Variants in EHBP1L1 observed in about 807,000 individuals in gnomAD.
EHBP1L1 encodes EH domain binding protein 1 like 1.
In EHBP1L1, 122 loss-of-function variants were observed where a neutral mutation model predicts 151.1. The observed-to-expected ratio is 0.81, with a 90% CI of 0.70 to 0.94. The LOEUF (loss-of-function observed/expected upper bound fraction) is 0.94. Among genes scored for constraint, EHBP1L1 ranks in the 40% least tolerant of loss-of-function variants. EHBP1L1 has a pLI of 0.00. For synonymous variants in EHBP1L1, 878 were observed against 810.1 expected, an observed-to-expected ratio of 1.08 and a Z score of -1.42; for missense variants, 1,941 against 1,959.8, an observed-to-expected ratio of 0.99 and a Z score of 0.18.
At position 65,582,491 on chromosome 11, in the gene EHBP1L1, G is replaced by T. The variant is rs186750931; in HGVS notation, c.1819G>T (p.Ala607Ser). 5.1e-4 allele frequency: 821 copies of T among 1,613,158 alleles called. 10 individuals are homozygous for T. In the Admixed American group the frequency reaches 0.013, roughly 25 times the overall value. Residue 607 changes from alanine (A) to serine (S), a missense_variant, in exon 9 of 19, where the codon GCC (alanine) becomes TCC (serine). Ala to Ser is a moderately conservative substitution (Grantham distance 99). Coordinates refer to ENST00000309295, the MANE Select transcript of EHBP1L1 (RefSeq NM_001099409.3). ...TRTLEIEILG[A>S]LEKEAARSRV... Reference sequence around the variant, plus strand: ...GACACTAGAAATTGAGATATTGGGGGCCTTGGAGAAAGAAGCAGCAAGATC... The same window carrying T: ...GACACTAGAAATTGAGATATTGGGGTCCTTGGAGAAAGAAGCAGCAAGATC...
rs564998706 is a variant in EHBP1L1 at position 65,592,106 on chromosome 11, C to A, written c.4472+16C>A. On this transcript the variant is annotated intron_variant, in intron 18 of 18. Coordinates refer to ENST00000309295, the MANE Select transcript of EHBP1L1 (RefSeq NM_001099409.3). ...AGGAGCGGATGTGAGTGGCGCTGGG[C>A]GGCGCTGGGAGTTGGGAGGGTCCGG... is the stretch of plus-strand genomic sequence containing the variant. The A allele has an allele frequency of 1.6e-5, 25 of 1,612,156 alleles. No homozygotes were observed. In the African/African-American group the frequency reaches 3.3e-4, roughly 21 times the overall value.
In EHBP1L1 at chr11:65,590,160, A is replaced by C; in HGVS notation, c.4133A>C (p.Asp1378Ala). Reference sequence around the variant, plus strand: ...CTGGAACAGGAGCAGAGGCAGATAGATGGGCGGGCGGCTGAGGTGGAGATG... The same window carrying C: ...CTGGAACAGGAGCAGAGGCAGATAGCTGGGCGGGCGGCTGAGGTGGAGATG... The part of the protein sequence containing the change: ...QALEQEQRQI[D>A]GRAAEVEMQL... Residue 1378 changes from aspartate (D) to alanine (A), a missense_variant, in exon 15 of 19, where the codon GAT (aspartate) becomes GCT (alanine). Physicochemically the swap from Asp to Ala is moderately radical, Grantham distance 126. Transcript: ENST00000309295. 1 of 1,613,796 alleles carries C rather than the reference A, an allele frequency of 6.2e-7. No individual in the cohort carries two copies. The highest frequency in any genetic ancestry group is 8.5e-7 in the Non-Finnish European group (1 of 1,179,826).
At chr11:65,589,717 C>A (rs1254265703) in intron 12 of EHBP1L1, 34 bp from the exon 13 acceptor site, 1 of 1,499,162 alleles carries the variant, frequency 6.7e-7, no homozygotes. Flanking sequence ...GGTGGGAAAC[C>A]CCTCCCAGCC....
rs749878529 is a variant in EHBP1L1 at position 65,584,568 on chromosome 11, G to A, written c.3300+34G>A. ...GGGTGGGGGACTGCCTGGAGGGAAG[G>A]AGGGTCTGGAGAGCCAGGCTCTCAG... is the stretch of plus-strand genomic sequence containing the variant. On this transcript the variant is annotated intron_variant, in intron 11 of 18. Transcript: ENST00000309295. 7 of 1,600,480 alleles carry A rather than the reference G, an allele frequency of 4.4e-6. No individual in the cohort carries two copies. In the South Asian group the frequency reaches 7.9e-5, roughly 18 times the overall value.
rs1858198056 is a variant in EHBP1L1, at chr11:65,590,221, C to T, written c.4183+11C>T. The T allele has an allele frequency of 1.9e-6, 3 of 1,612,358 alleles. No individual in the cohort carries two copies. The highest frequency in any genetic ancestry group is 1.7e-6 in the Non-Finnish European group (2 of 1,179,454). On this transcript the variant is annotated intron_variant, in intron 15 of 18. Coordinates refer to ENST00000309295, the MANE Select transcript of EHBP1L1 (RefSeq NM_001099409.3). ...GCCTCATGGAGTCAGGTGGGGCATA[C>T]ATCTAGGGATCCCTTCCCCAACACA...
Position 65,579,438 on chromosome 11 carries a change from T to C in EHBP1L1, c.258+2T>C, listed in dbSNP as rs765970705. 3 of 1,515,016 alleles carry C rather than the reference T, an allele frequency of 2.0e-6. No homozygotes were observed. The highest frequency in any genetic ancestry group is 2.7e-6 in the Non-Finnish European group (3 of 1,128,246). 93.8% of individuals were successfully genotyped at this position (1,515,016 alleles called of 1,614,324 possible). On this transcript the variant is annotated splice_donor_variant, in intron 3 of 18. Transcript: ENST00000309295. LOFTEE classifies it high-confidence loss of function. The stretch of plus-strand genomic sequence containing the variant: ...GACATCTCTGTGACCCTCTACAGGG[T>C]GAGTCTCTAGCCCTCCAGCATGGAT...
chr11:65,585,504 G>T lies in EHBP1L1; in HGVS notation c.3846G>T (p.Leu1282=). ...TCTCCCACGTGCGCGACGCGGACCT[G>T]CTCAAGAAGAGGCGCTCGCGGCTGC... ...GSFSHVRDAD[L]LKKRRSRLRN... The change falls in exon 12 of 19, where the codon CTG becomes CTT. Residue 1282 remains leucine, a synonymous_variant. Coordinates refer to ENST00000309295, the MANE Select transcript of EHBP1L1 (RefSeq NM_001099409.3). This position sits in a 1 kb window ranked among gnomAD's most constrained non-coding sequence, Gnocchi z 4.0. The T allele has an allele frequency of 6.4e-7, 1 of 1,562,402 alleles. No homozygotes were observed. Among genetic ancestry groups the T allele is most frequent in the Non-Finnish European group, 8.6e-7 (1 of 1,160,888 alleles).
At position 65,585,693 on chromosome 11, in the gene EHBP1L1, G is replaced by A; in HGVS notation, c.3933+102G>A. The A allele has an allele frequency of 6.7e-7, 1 of 1,484,706 alleles. No individual in the cohort carries two copies. Among genetic ancestry groups the A allele is most frequent in the Non-Finnish European group, 9.0e-7 (1 of 1,116,816 alleles). 92.0% of individuals were successfully genotyped at this position (1,484,706 alleles called of 1,614,324 possible). A position where few individuals can be genotyped will look rare whatever the true frequency, so the allele number is the denominator to read the frequency against. ...CCCAAGGGGCCCCAAGGACAGAGCT[G>A]GCGCGAGGGTGACGGTTTCAGAGTG... On this transcript the variant is annotated intron_variant, in intron 12 of 18. Coordinates refer to ENST00000309295, the MANE Select transcript of EHBP1L1 (RefSeq NM_001099409.3). The surrounding 1 kb of genome is among the most constrained non-coding windows in gnomAD (Gnocchi z 4.0).
intron 17 of EHBP1L1, 37 bp downstream of exon 17, chr11:65,591,910 A>AG: frequency 1.2e-6 from 2 of 1,604,946 alleles, no homozygotes; most frequent in Non-Finnish European, 1.7e-6. Flanking sequence ...GGCAAGACAG[A>AG]GCCAGGGTGG....
chr11:65,580,900 A>G (rs1324127689), intron 6 of EHBP1L1, 158 bp from the exon 7 acceptor site: 3 of 1,425,848 alleles, frequency 2.1e-6, no homozygotes, highest in Admixed American at 2.9e-5. Flanking sequence ...CTTTCTCTCC[A>G]CATCTGTGGG....
Position 65,585,723 on chromosome 11 carries a change from G to C in EHBP1L1, c.3933+132G>C. On this transcript the variant is annotated intron_variant, in intron 12 of 18. Transcript: ENST00000309295. The surrounding 1 kb of genome is among the most constrained non-coding windows in gnomAD (Gnocchi z 4.0). ...GAGGGTGACGGTTTCAGAGTGGCGG[G>C]GCTCGGCTGGACCCAGGAGGGGCTA... The C allele has an allele frequency of 7.1e-7, 1 of 1,410,152 alleles. No homozygotes were observed. The highest frequency in any genetic ancestry group is 9.5e-7 in the Non-Finnish European group (1 of 1,053,740). The allele number at this position is 1,410,152 out of a possible 1,614,324, so 87.4% of individuals were successfully genotyped here.
rs867568057 is a variant in EHBP1L1, at chr11:65,576,348, G to T, written c.46G>T (p.Ala16Ser). The T allele has an allele frequency of 6.3e-6, 10 of 1,599,434 alleles. No homozygotes were observed. The highest frequency in any genetic ancestry group is 8.5e-6 in the Non-Finnish European group (10 of 1,173,588). The change falls in exon 1 of 19, where the codon GCC becomes TCC. Residue 16 changes from alanine (A) to serine (S), a missense_variant. Ala to Ser is a moderately conservative substitution (Grantham distance 99, BLOSUM62 1). Coordinates refer to ENST00000309295, the MANE Select transcript of EHBP1L1 (RefSeq NM_001099409.3). Reference sequence around the variant, plus strand: ...CCTGCAGCGCGTGGGCAAGCGGGCGGCCAAGTTCCAGTTCGTGGCCTGTTA... The same window carrying T: ...CCTGCAGCGCGTGGGCAAGCGGGCGTCCAAGTTCCAGTTCGTGGCCTGTTA... ...KRLQRVGKRA[A>S]KFQFVACYHE...
At position 65,583,154 on chromosome 11, in the gene EHBP1L1, A is replaced by C. The variant is rs758928982; in HGVS notation, c.2482A>C (p.Ser828Arg). 15 of 1,612,862 alleles carry C rather than the reference A, an allele frequency of 9.3e-6. No individual in the cohort carries two copies. Among genetic ancestry groups the C allele is most frequent in the Non-Finnish European group, 1.2e-5 (14 of 1,179,678 alleles). Reference sequence around the variant, plus strand: ...GGGGACCCAAGAGATAGCATCTAGGAGTTCAGGGGTCCCAGGGCTAGAATC... The same window carrying C: ...GGGGACCCAAGAGATAGCATCTAGGCGTTCAGGGGTCCCAGGGCTAGAATC... ...ILGTQEIASR[S>R]SGVPGLESEV... The change falls in exon 9 of 19, where the codon AGT (serine) becomes CGT (arginine). Residue 828 changes from serine (S) to arginine (R), a missense_variant. By Grantham distance (110) the Ser-to-Arg change is moderately radical. Transcript: ENST00000309295.
At position 65,583,366 on chromosome 11, in the gene EHBP1L1, A is replaced by G. The variant is rs1232218694; in HGVS notation, c.2694A>G (p.Lys898=). 1 of 1,613,470 alleles carries G rather than the reference A, an allele frequency of 6.2e-7. No homozygotes were observed. The highest frequency in any genetic ancestry group is 8.5e-7 in the Non-Finnish European group (1 of 1,179,754). The change falls in exon 9 of 19, where the codon AAA becomes AAG. Residue 898 remains lysine (K), a synonymous_variant. Coordinates refer to ENST00000309295, the MANE Select transcript of EHBP1L1 (RefSeq NM_001099409.3). ...AGACTAGAGTTGGGAGTGCTCTCAAATATGAGGCTTTAAGGGCCCCAGTCA... is the reference window on the plus strand; with the variant it reads ...AGACTAGAGTTGGGAGTGCTCTCAAGTATGAGGCTTTAAGGGCCCCAGTCA... The part of the protein sequence containing the change: ...EAETRVGSAL[K]YEALRAPVTQ...
chr11:65,581,270 C>A lies in EHBP1L1; in HGVS notation c.763C>A (p.Pro255Thr), dbSNP rs931300647. 1 of 1,611,160 alleles carries A rather than the reference C, an allele frequency of 6.2e-7. No homozygotes were observed. Among genetic ancestry groups the A allele is most frequent in the Non-Finnish European group, 8.5e-7 (1 of 1,179,338 alleles). The stretch of plus-strand genomic sequence containing the variant: ...AGCCCCTGTGAGTGCTCCTGCACCC[C>A]CAGCCAGAACCTCCCGAGGCCAGGG... ...SPAPVSAPAP[P>T]ARTSRGQGSE... is the part of the protein sequence containing the mutation. Residue 255 changes from proline (P) to threonine (T), a missense_variant, in exon 8 of 19, where the codon CCA becomes ACA. Pro to Thr is a conservative substitution (Grantham distance 38, BLOSUM62 -1). Coordinates refer to ENST00000309295, the MANE Select transcript of EHBP1L1 (RefSeq NM_001099409.3).
rs1216027999 is a variant in EHBP1L1 at position 65,592,234 on chromosome 11, G to A, written c.4504G>A (p.Gly1502Ser). 2 of 1,539,958 alleles carry A rather than the reference G, an allele frequency of 1.3e-6. No homozygotes were observed. The highest frequency in any genetic ancestry group is 2.4e-5 in the East Asian group (1 of 40,994). ...GGAGGAGGACGAGCGCCTGGAGCGC[G>A]GCCTGGAACAGCGGCGCCGCAAGCT... ...ALEEDERLER[G>S]LEQRRRKLSR... The change falls in exon 19 of 19, where the codon GGC becomes AGC. Residue 1502 changes from glycine to serine, a missense_variant. Physicochemically the swap from Gly to Ser is moderately conservative, Grantham distance 56. Coordinates refer to ENST00000309295, the MANE Select transcript of EHBP1L1 (RefSeq NM_001099409.3).
rs755999731 is a variant in EHBP1L1 at position 65,580,266 on chromosome 11, G to A, written c.491+7G>A. ...TGCGGGAGGGCCGTGCCACGTGAGT[G>A]CCTACCTGCCCTCCTTGATCCTGGC... On this transcript the variant is annotated splice_region_variant and intron_variant, in intron 5 of 18. Transcript: ENST00000309295. 2.5e-6 allele frequency: 4 copies of A among 1,613,230 alleles called. No homozygotes were observed. The highest frequency in any genetic ancestry group is 3.4e-6 in the Non-Finnish European group (4 of 1,179,590).
chr11:65,583,581 G>T lies in EHBP1L1; in HGVS notation c.2909G>T (p.Gly970Val). ...TTAGAGTCTCCAGAGAACAAATCTG[G>T]TACTTTTAAGGCCCAGGAAGCGGAG... is the stretch of plus-strand genomic sequence containing the variant. The part of the protein sequence containing the change: ...KVLESPENKS[G>V]TFKAQEAEAG... The change falls in exon 9 of 19, where the codon GGT becomes GTT. Residue 970 changes from glycine (G) to valine (V), a missense_variant. Physicochemically the swap from Gly to Val is moderately radical, Grantham distance 109. Transcript: ENST00000309295. 6.2e-7 allele frequency: 1 copy of T among 1,607,278 alleles called. No homozygotes were observed. The highest frequency in any genetic ancestry group is 8.5e-7 in the Non-Finnish European group (1 of 1,175,554).
At chr11:65,576,546 G>A (rs980726710) in intron 1 of EHBP1L1, 140 bp downstream of exon 1, 6 of 746,154 alleles carry the variant, frequency 8.0e-6, no homozygotes, top group Non-Finnish European at 1.3e-5. Context: ...TCCGTTCCCA[G>A]GCTCGGAGAT....
Sources: allele counts gnomAD v4.1 joint callset, GRCh38; gene constraint gnomAD v4.1.1; non-coding constraint Gnocchi (gnomAD v3.1); transcripts MANE v1.5; gene names NCBI Gene and HGNC (gene_info 2026-07-23, HGNC 2026-07-21).